SMYD3: variants seen among roughly 807,000 people sequenced by gnomAD.
SMYD3 encodes the protein SET and MYND domain containing 3.
Under a neutral mutation model 57.7 loss-of-function variants are expected in SMYD3, and 36 were observed. The ratio of observed to expected loss-of-function variants is 0.62; its 90% CI spans 0.48 to 0.82. The LOEUF (loss-of-function observed/expected upper bound fraction) is 0.82. SMYD3 is among the 40% of genes least tolerant of loss of function. The pLI is 0.00. For synonymous variants in SMYD3, 211 were observed against 195.0 expected, an observed-to-expected ratio of 1.08 and a Z score of -0.68; for missense variants, 515 against 538.8, an observed-to-expected ratio of 0.96 and a Z score of 0.44.
intron 5 of SMYD3, among the ~76,000 whole-genome samples, chr1:245,934,341 G>C (rs1277416804): frequency 6.6e-6 from 1 of 151,376 alleles, no homozygotes; most frequent in Non-Finnish European, 1.5e-5. Context: ...CCGACTCCTA[G>C]AACTAATATT....
At chr1:246,489,709 A>G (rs779559351) in intron 1 of SMYD3, among the ~76,000 whole-genome samples, 7 of 152,244 alleles carry the variant, frequency 4.6e-5, no homozygotes, top group Non-Finnish European at 8.8e-5. Flanking sequence ...TGAAAGTTAT[A>G]AATAACTGTT....
At chr1:245,860,219 G>C (rs561083474) in intron 9 of SMYD3, among the ~76,000 whole-genome samples, 1 of 151,706 alleles carries the variant, frequency 6.6e-6, no homozygotes, top group South Asian at 2.1e-4. Flanking sequence ...CATGCTCTCT[G>C]TGCCATCCCC....
chr1:246,213,505 G>A (rs1215206866), intron 5 of SMYD3, among the ~76,000 whole-genome samples: 2 of 152,264 alleles, frequency 1.3e-5, no homozygotes, highest in African/African-American at 4.8e-5. Flanking sequence ...AATAACATGA[G>A]CAAAACAGAG....
chr1:245,960,603 T>C (rs1174195136), intron 5 of SMYD3, among the ~76,000 whole-genome samples: 3 of 152,108 alleles, frequency 2.0e-5, no homozygotes, highest in African/African-American at 7.2e-5. Context: ...AGTGTGTGCC[T>C]ATAGTCCCAG....
chr1:246,029,321 T>C (rs1306268829), intron 5 of SMYD3, among the ~76,000 whole-genome samples: 1 of 152,064 alleles, frequency 6.6e-6, no homozygotes, highest in African/African-American at 2.4e-5. Context: ...GGAATTAATA[T>C]CCAAAATATA....
intron 1 of SMYD3, among the ~76,000 whole-genome samples, chr1:246,374,518 C>G (rs2066240573): frequency 6.6e-6 from 1 of 152,084 alleles, no homozygotes; most frequent in Admixed American, 6.6e-5. Context: ...TATAATATGG[C>G]CCCTAAGCAC....
intron 10 of SMYD3, among the ~76,000 whole-genome samples, chr1:245,835,493 C>G (rs993570149): frequency 3.3e-5 from 5 of 152,130 alleles, no homozygotes; most frequent in African/African-American, 1.2e-4. Context: ...ACATACTTGA[C>G]AAGGATATTA....
At chr1:245,749,715 G>C (rs371548495) in intron 11 of SMYD3, 51 bp from the exon 12 acceptor site, 1 of 1,449,338 alleles carries the variant, frequency 6.9e-7, no homozygotes, top group African/African-American at 1.4e-5. Flanking sequence ...GGTGAGCTCA[G>C]GCCATTCCCC....
At chr1:245,795,495 T>C (rs2047485477) in intron 10 of SMYD3, among the ~76,000 whole-genome samples, 1 of 152,258 alleles carries the variant, frequency 6.6e-6, no homozygotes, top group South Asian at 2.1e-4. Context: ...AGGTAGCCAG[T>C]GGCTTCAGCT....
intron 1 of SMYD3, among the ~76,000 whole-genome samples, chr1:246,367,947 C>T (rs1019214762): frequency 6.6e-6 from 1 of 152,130 alleles, no homozygotes; most frequent in African/African-American, 2.4e-5. Context: ...TTCATACAAA[C>T]CTGACTCTAG....
chr1:246,101,088 T>G (rs1019770420), intron 5 of SMYD3, among the ~76,000 whole-genome samples: 22 of 139,486 alleles, frequency 1.6e-4, no homozygotes, highest in Admixed American at 4.9e-4. Flanking sequence ...TTTTTTTTTT[T>G]TTTTTTTTTT....
At chr1:245,765,556 T>C (rs1421395780) in intron 10 of SMYD3, among the ~76,000 whole-genome samples, 1 of 152,174 alleles carries the variant, frequency 6.6e-6, no homozygotes, top group East Asian at 1.9e-4. Context: ...TGAATTGAAC[T>C]GAGAAAATGA....
intron 1 of SMYD3, among the ~76,000 whole-genome samples, chr1:246,486,335 G>C (rs533846278): frequency 3.3e-5 from 5 of 152,208 alleles, no homozygotes; most frequent in African/African-American, 9.6e-5. Flanking sequence ...AATTCCTCTA[G>C]AATGGGTAAT....
chr1:246,481,593 C>CATATATATATATATATATATATATAT lies in SMYD3; in HGVS notation c.164+25460_164+25461insATATATATATATATATATATATATAT, dbSNP rs1200097586. 8.7e-3 allele frequency among the ~76,000 whole-genome samples: 243 copies of CATATATATATATATATATATATATAT among 27,894 alleles called. 12 individuals are homozygous for CATATATATATATATATATATATATAT. Among genetic ancestry groups the CATATATATATATATATATATATATAT allele is most frequent in the Admixed American group, 0.011 (19 of 1,786 alleles). The allele number at this position is 27,894 out of a possible 152,430, so 18.3% of individuals were successfully genotyped here. ...ACGGATCATGGGACTTCTCAGGCTC[C>CATATATATATATATATATATATATAT]ATATATATATATATACACATACATA... On this transcript the variant is annotated intron_variant, in intron 1 of 11. Coordinates refer to ENST00000490107, the MANE Select transcript of SMYD3 (RefSeq NM_001167740.2).
chr1:245,767,004 C>A (rs1342391012), intron 10 of SMYD3, among the ~76,000 whole-genome samples: 2 of 152,148 alleles, frequency 1.3e-5, no homozygotes, highest in Non-Finnish European at 1.5e-5. Context: ...GGCCTCCCAG[C>A]TGACATAGAG....
chr1:246,059,571 T>C (rs2060215932), intron 5 of SMYD3, among the ~76,000 whole-genome samples: 3 of 152,104 alleles, frequency 2.0e-5, no homozygotes, highest in African/African-American at 7.2e-5. Flanking sequence ...GAGTCTAAAC[T>C]GAAAACAACA....
intron 1 of SMYD3, among the ~76,000 whole-genome samples, chr1:246,459,876 A>T (rs908195564): frequency 2.2e-5 from 3 of 139,498 alleles, no homozygotes; most frequent in Non-Finnish European, 4.6e-5. Context: ...TGAACTGAAG[A>T]TTCTTCTGTC....
chr1:245,784,510 C>CA (rs2046956904), intron 10 of SMYD3, among the ~76,000 whole-genome samples: 1 of 152,128 alleles, frequency 6.6e-6, no homozygotes, highest in Admixed American at 6.5e-5. Context: ...AGCTGCAGCT[C>CA]AAAGATCTAT....
At chr1:246,406,976 T>C (rs111561613) in intron 1 of SMYD3, among the ~76,000 whole-genome samples, 2,624 of 152,274 alleles carry the variant, frequency 0.017, 72 homozygotes, top group African/African-American at 0.06. Flanking sequence ...GCAGCTCTCA[T>C]TGTCCTGTCT....
Sources: allele counts gnomAD v4.1 joint callset (sites outside exome capture counted in the v4.1 genomes callset), GRCh38; gene constraint gnomAD v4.1.1; transcripts MANE v1.5; gene names NCBI Gene and HGNC (gene_info 2026-07-23, HGNC 2026-07-21).